The following MARCHF3 variants were observed in gnomAD, a reference collection of about 807,000 sequenced individuals.
The protein encoded by MARCHF3 is membrane associated ring-CH-type finger 3.
In MARCHF3, 13 loss-of-function variants were observed where a neutral mutation model predicts 24.2. The observed-to-expected ratio is 0.54, with a 90% CI of 0.35 to 0.85. The LOEUF is 0.85. MARCHF3 is among the 40% of genes least tolerant of loss of function. The pLI, the probability that MARCHF3 is intolerant of heterozygous loss-of-function variation, is 0.01. For synonymous variants in MARCHF3, 144 were observed against 137.3 expected (o/e 1.05, Z -0.34); for missense variants, 276 against 325.0 (o/e 0.85, Z 1.16).
At chr5:126,871,228 T>C (rs111469910) in intron 4 of MARCHF3, among the ~76,000 whole-genome samples, 2,095 of 152,266 alleles carry the variant, frequency 0.014, 54 homozygotes, top group African/African-American at 0.048. Context: ...TTCCTGCAAG[T>C]TAGACCCTGC....
At chr5:126,877,147 T>G (rs1340488292) in intron 4 of MARCHF3, among the ~76,000 whole-genome samples, 1 of 152,076 alleles carries the variant, frequency 6.6e-6, no homozygotes, top group African/African-American at 2.4e-5. Flanking sequence ...GGAAGAGCCA[T>G]ATGATGAAGA....
intron 4 of MARCHF3, among the ~76,000 whole-genome samples, chr5:126,872,062 A>G (rs1246258648): frequency 3.5e-5 from 5 of 144,602 alleles, no homozygotes; most frequent in African/African-American, 7.7e-5. Flanking sequence ...ATGGTGCCTG[A>G]GAGATCCTTG....
chr5:126,906,628 A>G (rs879682217), intron 3 of MARCHF3, among the ~76,000 whole-genome samples: 1 of 152,050 alleles, frequency 6.6e-6, no homozygotes, highest in Non-Finnish European at 1.5e-5. Context: ...GTATTCTCTC[A>G]TGGTAGTTTG....
Position 126,869,604 on chromosome 5 carries a change from T to TTTTTTTG in MARCHF3, c.*1028_*1029insCAAAAAA, listed in dbSNP as rs397999207. The TTTTTTTG allele has an allele frequency of 6.8e-6, 1 of 148,116 alleles. No homozygotes were observed. Among genetic ancestry groups the TTTTTTTG allele is most frequent in the African/African-American group, 2.5e-5 (1 of 39,710 alleles). The allele number at this position is 148,116 out of a possible 1,614,324, so 9.2% of individuals were successfully genotyped here. A position where few individuals can be genotyped will look rare whatever the true frequency, so the allele number is the denominator to read the frequency against. Reference sequence around the variant, plus strand: ...AGGCTTTTTTTTTTTTTTTTTTTTTTGCCACATCTACCTGTCAAGCTAGAA... The same window carrying TTTTTTTG: ...AGGCTTTTTTTTTTTTTTTTTTTTTTTTTTTTGGCCACATCTACCTGTCAAGCTAGAA... On this transcript the variant is annotated 3_prime_UTR_variant, in exon 5 of 5. Transcript: ENST00000308660.
chr5:126,982,955 G>C (rs1751440021), intron 1 of MARCHF3, among the ~76,000 whole-genome samples: 2 of 152,156 alleles, frequency 1.3e-5, no homozygotes, highest in Admixed American at 1.3e-4. Context: ...GAGCATACTG[G>C]GGACCTTACA....
At chr5:126,949,707 T>C (rs945148409) in intron 1 of MARCHF3, among the ~76,000 whole-genome samples, 10 of 152,112 alleles carry the variant, frequency 6.6e-5, no homozygotes, top group African/African-American at 2.4e-4. Flanking sequence ...CCAGCATAAT[T>C]CAAAAGCAGA....
At chr5:126,988,088 T>C (rs1478986724) in intron 1 of MARCHF3, among the ~76,000 whole-genome samples, 1 of 152,186 alleles carries the variant, frequency 6.6e-6, no homozygotes, top group Non-Finnish European at 1.5e-5. Flanking sequence ...GGCCAGATTA[T>C]ATGCAAACAC....
At chr5:126,912,673 T>C (rs760102789) in intron 3 of MARCHF3, among the ~76,000 whole-genome samples, 11 of 152,180 alleles carry the variant, frequency 7.2e-5, no homozygotes, top group Non-Finnish European at 1.5e-4. Context: ...GAAAAGTCAA[T>C]TAGTAATGTC....
chr5:126,972,179 G>C (rs1375628809), intron 1 of MARCHF3, among the ~76,000 whole-genome samples: 1 of 150,896 alleles, frequency 6.6e-6, no homozygotes, highest in Non-Finnish European at 1.5e-5. Context: ...ACAAAGTTAG[G>C]AGTACAACGA....
chr5:126,930,779 T>C (rs1489673671), intron 1 of MARCHF3, among the ~76,000 whole-genome samples: 1 of 152,208 alleles, frequency 6.6e-6, no homozygotes, highest in East Asian at 1.9e-4. Flanking sequence ...ACAGAGGCAT[T>C]TATAAGCCTT....
chr5:126,976,830 C>T (rs534097691), intron 1 of MARCHF3, among the ~76,000 whole-genome samples: 132 of 152,368 alleles, frequency 8.7e-4, no homozygotes, highest in African/African-American at 3.1e-3. Context: ...GCTCACGTGG[C>T]AGGCAGCCCA....
chr5:126,948,948 G>A lies in MARCHF3; in HGVS notation c.-56-30721C>T, dbSNP rs529446134. Among the ~76,000 whole-genome samples the A allele has an allele frequency of 1.5e-4, 23 of 152,224 alleles. 2 individuals carry two copies. The East Asian group carries it at 4.4e-3, about 29-fold the overall frequency. The stretch of plus-strand genomic sequence containing the variant: ...TTTGTCGGCCTACAGTGGTGGAGGT[G>A]GGAGGGTGAACAATTTGGGCATGTG... On this transcript the variant is annotated intron_variant, in intron 1 of 4. Coordinates refer to ENST00000308660, the MANE Select transcript of MARCHF3 (RefSeq NM_178450.5).
chr5:126,874,750 A>T (rs544489352), intron 4 of MARCHF3, among the ~76,000 whole-genome samples: 64 of 152,206 alleles, frequency 4.2e-4, no homozygotes, highest in South Asian at 3.1e-3. Context: ...TCTATCTCTG[A>T]CTGCACTGGG....
chr5:126,981,899 T>C (rs1242355705), intron 1 of MARCHF3, among the ~76,000 whole-genome samples: 2 of 152,228 alleles, frequency 1.3e-5, no homozygotes, highest in Non-Finnish European at 2.9e-5. Context: ...TACTATGGTA[T>C]TTAGAATTCC....
At chr5:126,956,139 G>A (rs1487162732) in intron 1 of MARCHF3, among the ~76,000 whole-genome samples, 1 of 152,070 alleles carries the variant, frequency 6.6e-6, no homozygotes, top group African/African-American at 2.4e-5. Flanking sequence ...AAAATGAATA[G>A]GTCTCAGATT....
chr5:127,023,706 G>A (rs1485721438), intron 1 of MARCHF3, among the ~76,000 whole-genome samples: 1 of 150,968 alleles, frequency 6.6e-6, no homozygotes, highest in African/African-American at 2.4e-5. Context: ...ACTCTAGCCT[G>A]GGTGACATAG....
intron 1 of MARCHF3, among the ~76,000 whole-genome samples, chr5:127,000,645 C>T (rs534552196): frequency 6.6e-6 from 1 of 152,298 alleles, no homozygotes; most frequent in South Asian, 2.1e-4. Context: ...TGCCTTTGAG[C>T]AAAGGTGGTG....
Position 126,870,571 on chromosome 5 carries a change from C to G in MARCHF3, c.*62G>C. 1.9e-6 allele frequency: 3 copies of G among 1,540,312 alleles called. No homozygotes were observed. The highest frequency in any genetic ancestry group is 2.7e-6 in the Non-Finnish European group (3 of 1,118,766). On this transcript the variant is annotated 3_prime_UTR_variant, in exon 5 of 5. Coordinates refer to ENST00000308660, the MANE Select transcript of MARCHF3 (RefSeq NM_178450.5). ...GCTTGGGGGTCGCTCAGTGCATGAC[C>G]CCAGTGCAGACACTTCCAAACCCCA...
At chr5:126,875,228 G>C (rs538047066) in intron 4 of MARCHF3, among the ~76,000 whole-genome samples, 1 of 152,304 alleles carries the variant, frequency 6.6e-6, no homozygotes, top group East Asian at 1.9e-4. Context: ...GGGTGGAGCT[G>C]ACCAAGGCCC....
Sources: allele counts gnomAD v4.1 joint callset (sites outside exome capture counted in the v4.1 genomes callset), GRCh38; gene constraint gnomAD v4.1.1; transcripts MANE v1.5; gene names NCBI Gene and HGNC (gene_info 2026-07-23, HGNC 2026-07-21).